Variants in GPD1L observed in about 807,000 individuals in gnomAD.
GPD1L encodes the protein glycerol-3-phosphate dehydrogenase 1-like protein.
In GPD1L, 17 loss-of-function variants were observed where a neutral mutation model predicts 32.9. The ratio of observed to expected loss-of-function variants is 0.52; its 90% CI spans 0.35 to 0.78. GPD1L has a LOEUF of 0.78. GPD1L is among the 30% of genes least tolerant of loss of function. The probability of loss-of-function intolerance (pLI) is 0.01; values close to 1 mark genes in which losing one functional copy is unlikely to be tolerated. For missense variants in GPD1L, 361 were observed against 447.8 expected (o/e 0.81, Z 1.75); for synonymous variants, 187 against 165.9 (o/e 1.13, Z -0.98).
chr3:32,151,870 C>G (rs1265986509), intron 5 of GPD1L: 1 of 152,852 alleles, frequency 6.5e-6, no homozygotes, highest in Non-Finnish European at 1.5e-5. Flanking sequence ...TCAGGTACTT[C>G]TCTCCTCTTT....
At chr3:32,161,347 GAGAA>G (rs531185218) in intron 7 of GPD1L, among the ~76,000 whole-genome samples, 80 of 152,300 alleles carry the variant, frequency 5.3e-4, no homozygotes, top group African/African-American at 1.8e-3. Context: ...GCCAAAGGAG[GAGAA>G]CTACCTTTAA....
intron 2 of GPD1L, 114 bp from the exon 3 acceptor site, chr3:32,138,471 CTG>C (rs1469983879): frequency 1.1e-6 from 1 of 946,018 alleles, no homozygotes; most frequent in African/African-American, 1.6e-5. Flanking sequence ...CCTTGTCTAT[CTG>C]TGCAATGCTC....
intron 2 of GPD1L, among the ~76,000 whole-genome samples, chr3:32,130,732 A>G (rs1283052635): frequency 6.9e-6 from 1 of 145,230 alleles, no homozygotes; most frequent in African/African-American, 2.5e-5. Context: ...GCACTTTGGG[A>G]CCGAGCGCAG....
intron 2 of GPD1L, among the ~76,000 whole-genome samples, chr3:32,134,080 T>C (rs929688038): frequency 6.6e-6 from 1 of 152,210 alleles, no homozygotes. Context: ...TCTGGAACGA[T>C]GGACACCTTC....
Position 32,109,978 on chromosome 3 carries a change from C to T in GPD1L, c.47+3220C>T, listed in dbSNP as rs553540375. On this transcript the variant is annotated intron_variant, in intron 1 of 7. Coordinates refer to ENST00000282541, the MANE Select transcript of GPD1L (RefSeq NM_015141.4). The stretch of plus-strand genomic sequence containing the variant: ...TGTCGCCCAGGCTAGAGTGCAGTGG[C>T]GCAATCTCAGCTCACCGCAAGCTTC... Among the ~76,000 whole-genome samples, 11 of 152,352 alleles carry T rather than the reference C, an allele frequency of 7.2e-5. No homozygotes were observed. In the East Asian group the frequency reaches 1.9e-3, roughly 27 times the overall value.
intron 1 of GPD1L, among the ~76,000 whole-genome samples, chr3:32,121,356 CT>C (rs1700408406): frequency 6.6e-6 from 1 of 151,466 alleles, no homozygotes; most frequent in South Asian, 2.1e-4. Context: ...CCCCAGGGGC[CT>C]TACTGCTGCC....
chr3:32,163,317 C>T (rs984461450), intron 7 of GPD1L, among the ~76,000 whole-genome samples: 41 of 151,524 alleles, frequency 2.7e-4, no homozygotes, highest in Admixed American at 4.6e-4. Flanking sequence ...TACAGGCGCC[C>T]GCCACCACGC....
chr3:32,136,004 T>C (rs1268992968), intron 2 of GPD1L, among the ~76,000 whole-genome samples: 2 of 152,200 alleles, frequency 1.3e-5, no homozygotes, highest in African/African-American at 4.8e-5. Context: ...ATCTGCTCTA[T>C]GGGGAGTGAC....
At chr3:32,122,760 T>A (rs1390835408) in intron 1 of GPD1L, among the ~76,000 whole-genome samples, 2 of 152,210 alleles carry the variant, frequency 1.3e-5, no homozygotes, top group Non-Finnish European at 1.5e-5. Flanking sequence ...TGAACATGAC[T>A]GAGTCTCATG....
chr3:32,147,209 C>T (rs1700843170), intron 5 of GPD1L, among the ~76,000 whole-genome samples: 1 of 106,640 alleles, frequency 9.4e-6, no homozygotes, highest in Admixed American at 9.1e-5. Flanking sequence ...TTGTCTTTGC[C>T]CTCAAGAGAG....
chr3:32,109,763 G>A (rs1464023710), intron 1 of GPD1L, among the ~76,000 whole-genome samples: 1 of 152,300 alleles, frequency 6.6e-6, no homozygotes, highest in East Asian at 1.9e-4. Context: ...GTCTGACCAG[G>A]GATGCAGACA....
chr3:32,159,736 C>A, intron 7 of GPD1L, 62 bp downstream of exon 7: 1 of 1,014,720 alleles, frequency 9.9e-7, no homozygotes, highest in Non-Finnish European at 1.6e-6. Flanking sequence ...CTCAGGACTT[C>A]CAGCCCCACG....
In GPD1L at chr3:32,168,433, C is replaced by T. The variant is rs1701178896; in HGVS notation, c.*2523C>T. Reference sequence around the variant, plus strand: ...TGTTGCCTTGCTAGGATCCACCCTCCTATAATATGGAACAAATATCTGAAT... The same window carrying T: ...TGTTGCCTTGCTAGGATCCACCCTCTTATAATATGGAACAAATATCTGAAT... On this transcript the variant is annotated 3_prime_UTR_variant, in exon 8 of 8. Transcript: ENST00000282541. The T allele has an allele frequency of 6.6e-6, 1 of 152,600 alleles. No individual in the cohort carries two copies. Among genetic ancestry groups the T allele is most frequent in the Non-Finnish European group, 1.5e-5 (1 of 68,018 alleles). 9.5% of individuals were successfully genotyped at this position (152,600 alleles called of 1,614,324 possible).
At chr3:32,129,289 C>T (rs1295650580) in intron 2 of GPD1L, among the ~76,000 whole-genome samples, 1 of 152,112 alleles carries the variant, frequency 6.6e-6, no homozygotes, top group Non-Finnish European at 1.5e-5. Flanking sequence ...TGCAAAGCAC[C>T]GTGTTGGGTG....
At position 32,146,744 on chromosome 3, in the gene GPD1L, G is replaced by T; in HGVS notation, c.618+10G>T. 1 of 1,495,566 alleles carries T rather than the reference G, an allele frequency of 6.7e-7. No homozygotes were observed. The highest frequency in any genetic ancestry group is 9.3e-7 in the Non-Finnish European group (1 of 1,073,396). The allele number at this position is 1,495,566 out of a possible 1,614,324, so 92.6% of individuals were successfully genotyped here. A position where few individuals can be genotyped will look rare whatever the true frequency, so the allele number is the denominator to read the frequency against. On this transcript the variant is annotated intron_variant, in intron 5 of 7. Coordinates refer to ENST00000282541, the MANE Select transcript of GPD1L (RefSeq NM_015141.4). ...CTGTGGTGCGCTTAAGGTAAAGTCA[G>T]CCTCAGGGGAGGAGTTCATCAAGCA... is the stretch of plus-strand genomic sequence containing the variant.
intron 1 of GPD1L, among the ~76,000 whole-genome samples, chr3:32,110,445 T>C (rs1700230742): frequency 6.6e-6 from 1 of 152,264 alleles, no homozygotes; most frequent in Non-Finnish European, 1.5e-5. Context: ...CTTGGAACTT[T>C]AGGGCAGCTT....
At chr3:32,109,272 T>C (rs1383750449) in intron 1 of GPD1L, among the ~76,000 whole-genome samples, 2 of 152,200 alleles carry the variant, frequency 1.3e-5, no homozygotes, top group Non-Finnish European at 2.9e-5. Flanking sequence ...GTCTGTACAA[T>C]TCCACAGATG....
intron 1 of GPD1L, among the ~76,000 whole-genome samples, chr3:32,112,283 C>T (rs2125467801): frequency 1.6e-5 from 1 of 60,620 alleles, no homozygotes; most frequent in Admixed American, 1.2e-4. Context: ...TTGAGTCCAG[C>T]CTGAGAAACA....
At chr3:32,138,806 G>A in intron 3 of GPD1L, 79 bp downstream of exon 3, 1 of 1,434,090 alleles carries the variant, frequency 7.0e-7, no homozygotes, top group Admixed American at 1.7e-5. Flanking sequence ...ATCTGCTTGA[G>A]ATTTGGAGCT....
Sources: allele counts gnomAD v4.1 joint callset (sites outside exome capture counted in the v4.1 genomes callset), GRCh38; gene constraint gnomAD v4.1.1; transcripts MANE v1.5; gene names NCBI Gene and HGNC (gene_info 2026-07-23, HGNC 2026-07-21).